The following SNRNP200 variants were observed in gnomAD, a reference collection of about 807,000 sequenced individuals.
SNRNP200 encodes the protein small nuclear ribonucleoprotein U5 subunit 200, also known as U5 small nuclear ribonucleoprotein 200 kDa helicase.
SNRNP200 carries 66 observed loss-of-function variants against 255.2 expected under a neutral mutation model. The observed-to-expected ratio is 0.26, with a 90% CI of 0.21 to 0.32. SNRNP200 has a LOEUF of 0.32. Among genes scored for constraint, SNRNP200 ranks in the 10% least tolerant of loss-of-function variants. The pLI is 1.00. For synonymous variants in SNRNP200, 939 were observed against 1,027.8 expected (o/e 0.91, Z 1.65); for missense variants, 1,585 against 2,749.8 (o/e 0.58, Z 9.47).
intron 14 of SNRNP200, among the ~76,000 whole-genome samples, chr2:96,294,480 A>G (rs1487353350): frequency 1.3e-5 from 2 of 152,046 alleles, no homozygotes; most frequent in African/African-American, 4.8e-5. Context: ...GCTTTGGCCC[A>G]CGCAGCCCCT....
In SNRNP200 at chr2:96,287,975, C is replaced by G. The variant is rs1207088121; in HGVS notation, c.3259-6G>C. On this transcript the variant is annotated splice_region_variant and splice_polypyrimidine_tract_variant and intron_variant, in intron 24 of 44. Transcript: ENST00000323853. This position sits in a 1 kb window ranked among gnomAD's most constrained non-coding sequence, Gnocchi z 5.7. ...CGCATCAACCGGCCAGCCGACTAAG[C>G]AAAGAAGCAGCATTCCCACTGTTAA... The G allele has an allele frequency of 6.2e-7, 1 of 1,613,876 alleles. No individual in the cohort carries two copies. The highest frequency in any genetic ancestry group is 2.2e-5 in the East Asian group (1 of 44,888).
intron 43 of SNRNP200, chr2:96,276,585 C>G (rs1007311115): frequency 2.7e-6 from 1 of 370,492 alleles, no homozygotes; most frequent in African/African-American, 2.1e-5. Flanking sequence ...CCACGCACAG[C>G]TAATTTTTGT....
chr2:96,289,387 G>A lies in SNRNP200; in HGVS notation c.2941-8C>T, dbSNP rs1349037176. ...ACGGCCCAGTTCTGTCACCTGGAGA[G>A]AAGGTAGACTCAATCCAGTGCTGAC... On this transcript the variant is annotated splice_polypyrimidine_tract_variant and splice_region_variant and intron_variant, in intron 21 of 44. Coordinates refer to ENST00000323853, the MANE Select transcript of SNRNP200 (RefSeq NM_014014.5). The A allele has an allele frequency of 3.7e-6, 6 of 1,613,590 alleles. No individual in the cohort carries two copies. Among genetic ancestry groups the A allele is most frequent in the Admixed American group, 3.3e-5 (2 of 59,992 alleles).
intron 14 of SNRNP200, among the ~76,000 whole-genome samples, chr2:96,294,962 G>C (rs991665092): frequency 3.3e-5 from 5 of 152,286 alleles, no homozygotes; most frequent in Middle Eastern, 3.4e-3. Flanking sequence ...TGTAATCCCA[G>C]AACTTTGGGA....
intron 3 of SNRNP200, 75 bp from the exon 4 acceptor site, chr2:96,301,791 G>A: frequency 6.5e-7 from 1 of 1,538,364 alleles, no homozygotes; most frequent in Non-Finnish European, 8.9e-7. Context: ...GTATGTGGCG[G>A]CAGGATGTGA....
intron 34 of SNRNP200, chr2:96,282,994 C>G (rs2063814034): frequency 1.5e-6 from 1 of 663,342 alleles, no homozygotes; most frequent in Non-Finnish European, 2.6e-6. Context: ...TGCCTGTTTT[C>G]TCACCTGGCA....
rs955327721 is a variant in SNRNP200, at chr2:96,277,368, G to A, written c.5932-127C>T. The stretch of plus-strand genomic sequence containing the variant: ...CATCTAGATAAAACAGCTGCAGAAA[G>A]AACACAGCCCACAGTTGGCAGGCTC... On this transcript the variant is annotated intron_variant, in intron 41 of 44. Coordinates refer to ENST00000323853, the MANE Select transcript of SNRNP200 (RefSeq NM_014014.5). This position sits in a 1 kb window ranked among gnomAD's most constrained non-coding sequence, Gnocchi z 4.4. The A allele has an allele frequency of 1.9e-5, 25 of 1,287,852 alleles. No homozygotes were observed. Among genetic ancestry groups the A allele is most frequent in the Non-Finnish European group, 2.7e-5 (24 of 893,382 alleles). The allele number at this position is 1,287,852 out of a possible 1,614,324, so 79.8% of individuals were successfully genotyped here.
chr2:96,289,510 A>G, intron 21 of SNRNP200, 131 bp from the exon 22 acceptor site: 1 of 967,404 alleles, frequency 1.0e-6, no homozygotes, highest in Non-Finnish European at 1.6e-6. Flanking sequence ...CAATGTCATT[A>G]TTGTCCTAAT....
intron 14 of SNRNP200, among the ~76,000 whole-genome samples, chr2:96,294,353 G>C (rs1300492928): frequency 6.6e-6 from 1 of 151,998 alleles, no homozygotes; most frequent in African/African-American, 2.4e-5. Context: ...CAGGAGAACT[G>C]CTTGAACCCG....
At chr2:96,296,428 A>G in intron 13 of SNRNP200, 108 bp downstream of exon 13, 1 of 1,076,520 alleles carries the variant, frequency 9.3e-7, no homozygotes, top group Non-Finnish European at 1.4e-6. Context: ...CAATCCCAGG[A>G]GGCATGCCAG....
chr2:96,287,324 A>C lies in SNRNP200; in HGVS notation c.3484+115T>G. ...AAGGGCCAGCCTGTACTTCAGTGGG[A>C]CTTGGGGAGTGAACACAGGATACTA... On this transcript the variant is annotated intron_variant, in intron 26 of 44. Coordinates refer to ENST00000323853, the MANE Select transcript of SNRNP200 (RefSeq NM_014014.5). This position sits in a 1 kb window ranked among gnomAD's most constrained non-coding sequence, Gnocchi z 5.7. 1 of 1,171,670 alleles carries C rather than the reference A, an allele frequency of 8.5e-7. No individual in the cohort carries two copies. 72.6% of individuals were successfully genotyped at this position (1,171,670 alleles called of 1,614,324 possible). A position where few individuals can be genotyped will look rare whatever the true frequency, so the allele number is the denominator to read the frequency against.
chr2:96,293,116 C>CA, intron 15 of SNRNP200, 21 bp from the exon 16 acceptor site: 1 of 1,614,152 alleles, frequency 6.2e-7, no homozygotes, highest in Non-Finnish European at 8.5e-7. Flanking sequence ...AACAGTTAGA[C>CA]AAATGAGGCT....
At position 96,301,552 on chromosome 2, in the gene SNRNP200, A is replaced by G; in HGVS notation, c.546T>C (p.Tyr182=). ...TATTTTGGATTTCCTTATCTCCACC[A>G]TAGTCTGTGATCTTTTTGCCCAGGT... is the stretch of plus-strand genomic sequence containing the variant. The part of the protein sequence containing the change: ...LVNLGKKITD[Y]GGDKEIQNMD... Residue 182 remains tyrosine (Y), a synonymous_variant, in exon 4 of 45, where the codon TAT becomes TAC. Transcript: ENST00000323853. 1.9e-6 allele frequency: 3 copies of G among 1,614,200 alleles called. No individual in the cohort carries two copies. The highest frequency in any genetic ancestry group is 2.5e-6 in the Non-Finnish European group (3 of 1,180,020).
At position 96,299,348 on chromosome 2, in the gene SNRNP200, C is replaced by T. The variant is rs1280340102; in HGVS notation, c.710G>A (p.Arg237His). 4 of 1,614,016 alleles carry T rather than the reference C, an allele frequency of 2.5e-6. No individual in the cohort carries two copies. The highest frequency in any genetic ancestry group is 1.3e-5 in the African/African-American group (1 of 75,032). The change falls in exon 6 of 45, where the codon CGC (arginine) becomes CAC (histidine). Residue 237 changes from arginine (R) to histidine (H), a missense_variant. Physicochemically the swap from Arg to His is conservative, Grantham distance 29. Transcript: ENST00000323853. ...DDMEGDEAVV[R>H]CTLSANLVAS... ...ACTTACATTAGCCGAGAGGGTGCAG[C>T]GCACGACAGCCTCGTCCCCTTCCAT...
intron 14 of SNRNP200, among the ~76,000 whole-genome samples, chr2:96,294,030 T>C (rs1281889940): frequency 3.3e-5 from 5 of 151,524 alleles, no homozygotes; most frequent in South Asian, 2.1e-4. Flanking sequence ...TCCTATTCCA[T>C]GCTGCTGCTG....
rs1382838158 is a variant in SNRNP200, at chr2:96,283,059, G to A, written c.4915+142C>T. ...CACGAGGTTCTTGGGAGGATCAAAT[G>A]AGTTAACAGCCAAGAGTCCTAAACA... On this transcript the variant is annotated intron_variant, in intron 34 of 44. Transcript: ENST00000323853. The surrounding 1 kb of genome is among the most constrained non-coding windows in gnomAD (Gnocchi z 4.7). 1.8e-6 allele frequency: 2 copies of A among 1,097,010 alleles called. No homozygotes were observed. The highest frequency in any genetic ancestry group is 2.7e-6 in the Non-Finnish European group (2 of 733,260). The allele number at this position is 1,097,010 out of a possible 1,614,324, so 68.0% of individuals were successfully genotyped here. A position where few individuals can be genotyped will look rare whatever the true frequency, so the allele number is the denominator to read the frequency against.
Position 96,291,542 on chromosome 2 carries a change from T to C in SNRNP200, c.2311-40A>G. The C allele has an allele frequency of 1.4e-6, 2 of 1,387,882 alleles. No homozygotes were observed. The highest frequency in any genetic ancestry group is 2.1e-6 in the Non-Finnish European group (2 of 974,166). The allele number at this position is 1,387,882 out of a possible 1,614,324, so 86.0% of individuals were successfully genotyped here. ...ACCGGGGATGAGGCGAGCCTTCCTG[T>C]AGGACTCATCCAAGGACTAAGGAAA... On this transcript the variant is annotated intron_variant, in intron 17 of 44. Coordinates refer to ENST00000323853, the MANE Select transcript of SNRNP200 (RefSeq NM_014014.5). This position sits in a 1 kb window ranked among gnomAD's most constrained non-coding sequence, Gnocchi z 4.2.
chr2:96,279,480 A>G lies in SNRNP200; in HGVS notation c.5104T>C (p.Cys1702Arg), dbSNP rs1412783475. Reference sequence around the variant, plus strand: ...TTGGAGCCCTGACACATGATGACACAGCGCCCCTCATCGTCCTGCAAAGGG... The same window carrying G: ...TTGGAGCCCTGACACATGATGACACGGCGCCCCTCATCGTCCTGCAAAGGG... Reference protein sequence around the residue: ...NRPLQDDEGRCVIMCQGSKKD... With the variant: ...NRPLQDDEGRRVIMCQGSKKD... Residue 1702 changes from cysteine (C) to arginine (R), a missense_variant, in exon 36 of 45, where the codon TGT (cysteine) becomes CGT (arginine). Coordinates refer to ENST00000323853, the MANE Select transcript of SNRNP200 (RefSeq NM_014014.5). 1 of 1,614,040 alleles carries G rather than the reference A, an allele frequency of 6.2e-7. No individual in the cohort carries two copies.
At position 96,291,354 on chromosome 2, in the gene SNRNP200, G is replaced by T; in HGVS notation, c.2421+38C>A. The T allele has an allele frequency of 8.9e-7, 1 of 1,124,262 alleles. No homozygotes were observed. Among genetic ancestry groups the T allele is most frequent in the Non-Finnish European group, 1.4e-6 (1 of 732,386 alleles). The allele number at this position is 1,124,262 out of a possible 1,614,324, so 69.6% of individuals were successfully genotyped here. ...TGACATTGCCCATCTTCTGAAGTATGTCCCACCTGCTCCTCCAAACGCTTT... is the reference window on the plus strand; with the variant it reads ...TGACATTGCCCATCTTCTGAAGTATTTCCCACCTGCTCCTCCAAACGCTTT... On this transcript the variant is annotated intron_variant, in intron 18 of 44. Coordinates refer to ENST00000323853, the MANE Select transcript of SNRNP200 (RefSeq NM_014014.5). This position sits in a 1 kb window ranked among gnomAD's most constrained non-coding sequence, Gnocchi z 4.2.
Sources: allele counts gnomAD v4.1 joint callset (sites outside exome capture counted in the v4.1 genomes callset), GRCh38; gene constraint gnomAD v4.1.1; non-coding constraint Gnocchi (gnomAD v3.1); transcripts MANE v1.5; gene names NCBI Gene and HGNC (gene_info 2026-07-23, HGNC 2026-07-21).